CENPN: variants seen among roughly 807,000 people sequenced by gnomAD.
CENPN encodes interphase centromere complex protein 32.
CENPN carries 36 observed loss-of-function variants against 48.6 expected under a neutral mutation model. The ratio of observed to expected loss-of-function variants is 0.74; its 90% CI spans 0.57 to 0.98. The LOEUF (loss-of-function observed/expected upper bound fraction) is 0.98. Among genes scored for constraint, CENPN ranks in the 50% least tolerant of loss-of-function variants. CENPN has a pLI of 0.00. For missense variants in CENPN, 439 were observed against 399.2 expected (o/e 1.10, Z -0.85); for synonymous variants, 166 against 135.2 (o/e 1.23, Z -1.58).
At chr16:81,010,375 C>T (rs1186738375) in intron 1 of CENPN, among the ~76,000 whole-genome samples, 2 of 152,154 alleles carry the variant, frequency 1.3e-5, no homozygotes, top group African/African-American at 4.8e-5. Flanking sequence ...ATCTTCCTTC[C>T]TTATTCCTGC....
intron 6 of CENPN, among the ~76,000 whole-genome samples, chr16:81,020,755 C>T (rs1264543214): frequency 6.6e-6 from 1 of 152,178 alleles, no homozygotes; most frequent in Non-Finnish European, 1.5e-5. Flanking sequence ...AAAATAACTA[C>T]TGTCAAAGTT....
At chr16:81,008,602 C>G (rs188760502) in intron 1 of CENPN, among the ~76,000 whole-genome samples, 235 of 152,252 alleles carry the variant, frequency 1.5e-3, no homozygotes, top group Non-Finnish European at 2.7e-3. Flanking sequence ...GAACGACTGA[C>G]CTCAAGTGAT....
At position 81,022,627 on chromosome 16, in the gene CENPN, A is replaced by G. The variant is rs2151698353; in HGVS notation, c.562A>G (p.Ile188Val). ...GACAATTGCTAGCAAACACCATCAGATTGTGAAAATGGACCTGAGAAGTCG... is the reference window on the plus strand; with the variant it reads ...GACAATTGCTAGCAAACACCATCAGGTTGTGAAAATGGACCTGAGAAGTCG... ...ALTIASKHHQ[I>V]VKMDLRSRYL... is the part of the protein sequence containing the mutation. Residue 188 changes from isoleucine to valine, a missense_variant, in exon 7 of 11, where the codon ATT (isoleucine) becomes GTT (valine). By Grantham distance (29) the Ile-to-Val change is conservative. Coordinates refer to ENST00000305850, the MANE Select transcript of CENPN (RefSeq NM_001100624.3). The G allele has an allele frequency of 6.2e-7, 1 of 1,614,088 alleles. No homozygotes were observed.
At chr16:81,026,133 A>ATATATATGTGTG (rs1215293817) in intron 8 of CENPN, among the ~76,000 whole-genome samples, 3 of 54,960 alleles carry the variant, frequency 5.5e-5, no homozygotes, top group Non-Finnish European at 1.6e-4. Context: ...ATATGTGTGT[A>ATATATATGTGTG]TATATATATG....
At chr16:81,022,963 C>T in intron 7 of CENPN, 1 of 1,288,542 alleles carries the variant, frequency 7.8e-7, no homozygotes, top group South Asian at 1.5e-5. Flanking sequence ...CCTGATCACA[C>T]TAGAATTTGT....
chr16:81,015,079 AG>A (rs1969884903), intron 3 of CENPN, among the ~76,000 whole-genome samples: 1 of 152,256 alleles, frequency 6.6e-6, no homozygotes, highest in Non-Finnish European at 1.5e-5. Flanking sequence ...TATCAGGCAT[AG>A]CCCCATCATA....
Position 81,029,011 on chromosome 16 carries a change from G to C in CENPN, c.*360G>C, listed in dbSNP as rs1267122374. ...ATGGCTGTCTCTTCTCAATTCTGGA[G>C]AGGTCTGGTTCCAGTGGCTGGTTTC... On this transcript the variant is annotated 3_prime_UTR_variant, in exon 11 of 11. Coordinates refer to ENST00000305850, the MANE Select transcript of CENPN (RefSeq NM_001100624.3). The C allele has an allele frequency of 1.0e-6, 1 of 996,854 alleles. No individual in the cohort carries two copies. Among genetic ancestry groups the C allele is most frequent in the Non-Finnish European group, 1.2e-6 (1 of 838,042 alleles). 61.8% of individuals were successfully genotyped at this position (996,854 alleles called of 1,614,324 possible).
In CENPN at chr16:81,017,873, C is replaced by T. The variant is rs142979490; in HGVS notation, c.354+39C>T. The T allele has an allele frequency of 9.7e-4, 1,193 of 1,233,848 alleles. 17 individuals are homozygous for T. The East Asian group carries it at 0.022, about 23-fold the overall frequency. The allele number at this position is 1,233,848 out of a possible 1,614,324, so 76.4% of individuals were successfully genotyped here. On this transcript the variant is annotated intron_variant, in intron 5 of 10. Transcript: ENST00000305850. ...TCATCTTTTACATAAAATTCAATGT[C>T]ATGACGTCTGTGCACTTAAAATTTG... is the stretch of plus-strand genomic sequence containing the variant.
chr16:81,031,930 T>C (rs1970795640), downstream of CENPN, among the ~76,000 whole-genome samples: 2 of 152,172 alleles, frequency 1.3e-5, no homozygotes, highest in African/African-American at 4.8e-5. Context: ...GATTTTTCTC[T>C]TCATGGCCAA....
rs1970742681 is a variant in CENPN, at chr16:81,030,899, A to T, written c.*2248A>T. On this transcript the variant is annotated 3_prime_UTR_variant, in exon 11 of 11. Coordinates refer to ENST00000305850, the MANE Select transcript of CENPN (RefSeq NM_001100624.3). ...CCCCGACTCTACTAAAAATACAAAA[A>T]TTAGCTGGGCCTGGTGGTGTGCACC... 1.3e-5 allele frequency: 2 copies of T among 151,640 alleles called. No homozygotes were observed. Among genetic ancestry groups the T allele is most frequent in the Non-Finnish European group, 2.9e-5 (2 of 68,010 alleles). 9.4% of individuals were successfully genotyped at this position (151,640 alleles called of 1,614,324 possible). A position where few individuals can be genotyped will look rare whatever the true frequency, so the allele number is the denominator to read the frequency against.
At chr16:81,032,640 C>T (rs372425232), downstream of CENPN, 132 of 1,613,560 alleles carry the variant, frequency 8.2e-5, no homozygotes, top group Non-Finnish European at 1.1e-4. Context: ...AGGACCCGAG[C>T]AGCTGGCAGA....
At chr16:81,026,069 A>ATGTGTGTG (rs56927276) in intron 8 of CENPN, among the ~76,000 whole-genome samples, 93 of 136,702 alleles carry the variant, frequency 6.8e-4, no homozygotes, top group South Asian at 1.2e-3. Flanking sequence ...ATATATATAT[A>ATGTGTGTG]TGTGTGTGTG....
intron 6 of CENPN, 61 bp downstream of exon 6, chr16:81,020,337 G>T: frequency 6.8e-7 from 1 of 1,469,408 alleles, no homozygotes. Context: ...GGTCTATATA[G>T]ATTTTAACTG....
chr16:81,009,927 G>A (rs1279018066), intron 1 of CENPN, among the ~76,000 whole-genome samples: 6 of 152,310 alleles, frequency 3.9e-5, no homozygotes, highest in East Asian at 3.9e-4. Flanking sequence ...GACCACGCGC[G>A]GTGGCTCACA....
chr16:81,026,544 A>C lies in CENPN; in HGVS notation c.716A>C (p.His239Pro), dbSNP rs778437159. The C allele has an allele frequency of 1.9e-6, 3 of 1,591,440 alleles. No homozygotes were observed. The highest frequency in any genetic ancestry group is 2.6e-6 in the Non-Finnish European group (3 of 1,162,098). The change falls in exon 9 of 11, where the codon CAT becomes CCT. Residue 239 changes from histidine (H) to proline (P), a missense_variant. By Grantham distance (77) the His-to-Pro change is moderately conservative. Transcript: ENST00000305850. Reference sequence around the variant, plus strand: ...CCCATAGTGGATTCAAGGATCATTCATGAAAACATAGTAGAAAAAGAGAGA... The same window carrying C: ...CCCATAGTGGATTCAAGGATCATTCCTGAAAACATAGTAGAAAAAGAGAGA... ...LDINMDSRII[H>P]ENIVEKERVQ...
intron 1 of CENPN, among the ~76,000 whole-genome samples, chr16:81,009,589 T>C (rs1969656063): frequency 6.6e-6 from 1 of 152,258 alleles, no homozygotes; most frequent in African/African-American, 2.4e-5. Context: ...CAGTTATTTT[T>C]CTATTTCTAA....
chr16:81,031,963 TACTAGGGAAATTTCAG>T (rs1186970431), downstream of CENPN, among the ~76,000 whole-genome samples: 3 of 152,298 alleles, frequency 2.0e-5, 1 homozygote, highest in East Asian at 5.8e-4. Flanking sequence ...TTTGTGAAAC[TACTAGGGAAATTTCAG>T]ACTAGGGAAT....
In CENPN at chr16:81,028,862, G is replaced by C; in HGVS notation, c.*211G>C. ...TGATATCCTGCTAACTGTAGCCGTT[G>C]TGGCATTTGAGATGACAGGACATAT... On this transcript the variant is annotated 3_prime_UTR_variant, in exon 11 of 11. Transcript: ENST00000305850. 5 of 1,319,396 alleles carry C rather than the reference G, an allele frequency of 3.8e-6. No individual in the cohort carries two copies. Among genetic ancestry groups the C allele is most frequent in the Non-Finnish European group, 4.8e-6 (5 of 1,038,308 alleles). The allele number at this position is 1,319,396 out of a possible 1,614,324, so 81.7% of individuals were successfully genotyped here. A position where few individuals can be genotyped will look rare whatever the true frequency, so the allele number is the denominator to read the frequency against.
chr16:81,029,399 ATTTC>A lies in CENPN; in HGVS notation c.*752_*755del, dbSNP rs1161190603. 1.5e-5 allele frequency: 10 copies of A among 645,390 alleles called. No homozygotes were observed. Among genetic ancestry groups the A allele is most frequent in the Non-Finnish European group, 1.9e-5 (10 of 520,174 alleles). The allele number at this position is 645,390 out of a possible 1,614,324, so 40.0% of individuals were successfully genotyped here. A position where few individuals can be genotyped will look rare whatever the true frequency, so the allele number is the denominator to read the frequency against. ...AAAATTTTTTCCTTTCTAATTTTTT[ATTTC>A]TTTATTTATTTATTGAGACAGGGTC... is the stretch of plus-strand genomic sequence containing the variant. On this transcript the variant is annotated 3_prime_UTR_variant, in exon 11 of 11. Transcript: ENST00000305850.
Sources: gnomAD v4.1 joint callset for allele counts (sites outside exome capture counted in the v4.1 genomes callset) on GRCh38, gnomAD v4.1.1 for gene constraint, MANE v1.5 for transcripts, NCBI Gene and HGNC (gene_info 2026-07-23, HGNC 2026-07-21) for gene names.